Variants in ARPP19 observed in about 807,000 individuals in gnomAD.
ARPP19 encodes the protein cAMP-regulated phosphoprotein 19.
ARPP19 carries 8 observed loss-of-function variants against 12.0 expected under a neutral mutation model. That is an observed-to-expected ratio of 0.67 (90% CI 0.39 to 1.21). The LOEUF is 1.21. Among genes scored for constraint, ARPP19 ranks in the 50% most tolerant of loss-of-function variants. The probability of loss-of-function intolerance (pLI) is 0.01; values close to 1 mark genes in which losing one functional copy is unlikely to be tolerated. For synonymous variants in ARPP19, 47 were observed against 50.4 expected (o/e 0.93, Z 0.29); for missense variants, 102 against 136.3 (o/e 0.75, Z 1.25).
rs2078064947 is a variant in ARPP19 at position 52,564,614 on chromosome 15, A to G, written c.45+4234T>C. On this transcript the variant is annotated intron_variant, in intron 1 of 2. Transcript: ENST00000249822. ...ACCACTCATAAAGGCACCAACCTGT[A>G]TCTCTTACCTGACAAATAATTTCAT... Among the ~76,000 whole-genome samples the G allele has an allele frequency of 2.0e-5, 3 of 152,162 alleles. No individual in the cohort carries two copies. The South Asian group carries it at 6.2e-4, about 32-fold the overall frequency.
At chr15:52,561,933 ACTTTT>A (rs2078036619) in intron 1 of ARPP19, among the ~76,000 whole-genome samples, 1 of 135,976 alleles carries the variant, frequency 7.4e-6, no homozygotes, top group African/African-American at 2.9e-5. Context: ...CAGTGCACCT[ACTTTT>A]TTTTTTTTTT....
At chr15:52,556,859 T>G (rs1951208684) in intron 2 of ARPP19, 1 of 377,916 alleles carries the variant, frequency 2.6e-6, no homozygotes, top group Non-Finnish European at 4.7e-6. Flanking sequence ...GGTTCTGTTA[T>G]ATCTGCACTA....
rs2141714240 is a variant in ARPP19, at chr15:52,548,876, T to A, written c.*3058A>T. Reference sequence around the variant, plus strand: ...TGTTTCATCAAGTAAAAAGAGCAACTAATTCCAACTGTTGAAGTAGTAACA... The same window carrying A: ...TGTTTCATCAAGTAAAAAGAGCAACAAATTCCAACTGTTGAAGTAGTAACA... On this transcript the variant is annotated 3_prime_UTR_variant, in exon 3 of 3. Coordinates refer to ENST00000249822, the MANE Select transcript of ARPP19 (RefSeq NM_006628.6). The A allele has an allele frequency of 6.5e-6, 1 of 152,768 alleles. No individual in the cohort carries two copies. The highest frequency in any genetic ancestry group is 2.1e-4 in the South Asian group (1 of 4,824). 9.5% of individuals were successfully genotyped at this position (152,768 alleles called of 1,614,324 possible). A position where few individuals can be genotyped will look rare whatever the true frequency, so the allele number is the denominator to read the frequency against.
chr15:52,550,210 G>A lies in ARPP19; in HGVS notation c.*1724C>T, dbSNP rs928116034. ...CTACTTGTGAGAGGAGCTCCTACAA[G>A]AGCAGTAAACTTGTCCCAGTAAAGT... On this transcript the variant is annotated 3_prime_UTR_variant, in exon 3 of 3. Coordinates refer to ENST00000249822, the MANE Select transcript of ARPP19 (RefSeq NM_006628.6). The A allele has an allele frequency of 9.2e-5, 14 of 152,316 alleles. No individual in the cohort carries two copies. Among genetic ancestry groups the A allele is most frequent in the Admixed American group, 8.5e-4 (13 of 15,298 alleles). 9.4% of individuals were successfully genotyped at this position (152,316 alleles called of 1,614,324 possible). A position where few individuals can be genotyped will look rare whatever the true frequency, so the allele number is the denominator to read the frequency against.
chr15:52,553,956 TG>T (rs1268239953), intron 2 of ARPP19, among the ~76,000 whole-genome samples: 1 of 152,262 alleles, frequency 6.6e-6, no homozygotes, highest in Non-Finnish European at 1.5e-5. Context: ...CAAGGAACCC[TG>T]GAACAGGCCC....
At chr15:52,555,589 G>C (rs577836034) in intron 2 of ARPP19, among the ~76,000 whole-genome samples, 1 of 151,880 alleles carries the variant, frequency 6.6e-6, no homozygotes, top group Non-Finnish European at 1.5e-5. Flanking sequence ...CTATAAGGAG[G>C]ACCTTCCAAC....
At chr15:52,567,928 G>A (rs1433246996) in intron 1 of ARPP19, among the ~76,000 whole-genome samples, 1 of 152,124 alleles carries the variant, frequency 6.6e-6, no homozygotes, top group East Asian at 1.9e-4. Flanking sequence ...AAAAATTGTT[G>A]ATAAACAATT....
At chr15:52,552,416 A>C (rs888147249) in intron 2 of ARPP19, among the ~76,000 whole-genome samples, 8 of 151,730 alleles carry the variant, frequency 5.3e-5, no homozygotes, top group African/African-American at 4.8e-5. Context: ...CTAAAAAAAA[A>C]CAAAAAAAAC....
chr15:52,566,123 G>C (rs1388784422), intron 1 of ARPP19, among the ~76,000 whole-genome samples: 1 of 151,802 alleles, frequency 6.6e-6, no homozygotes, highest in Non-Finnish European at 1.5e-5. Flanking sequence ...CAAAGCGCTG[G>C]GATTACAGGT....
At chr15:52,553,374 T>A (rs2077953576) in intron 2 of ARPP19, among the ~76,000 whole-genome samples, 1 of 152,104 alleles carries the variant, frequency 6.6e-6, no homozygotes, top group Admixed American at 6.6e-5. Context: ...ACCACTAACA[T>A]GCAAATTGTG....
chr15:52,559,763 T>C (rs2078015052), intron 1 of ARPP19, among the ~76,000 whole-genome samples: 1 of 152,210 alleles, frequency 6.6e-6, no homozygotes, highest in Admixed American at 6.5e-5. Flanking sequence ...ACTGCAGATA[T>C]CTACTGCAGC....
intron 1 of ARPP19, 69 bp downstream of exon 1, chr15:52,568,779 T>C: frequency 8.3e-7 from 1 of 1,205,906 alleles, no homozygotes; most frequent in Non-Finnish European, 1.1e-6. Flanking sequence ...GCCCTCCGCC[T>C]GGCGGGAGCA....
chr15:52,547,457 A>G lies in ARPP19; in HGVS notation c.*4477T>C, dbSNP rs2077887846. 1 of 152,252 alleles carries G rather than the reference A, an allele frequency of 6.6e-6. No homozygotes were observed. Among genetic ancestry groups the G allele is most frequent in the Non-Finnish European group, 1.5e-5 (1 of 68,044 alleles). 9.4% of individuals were successfully genotyped at this position (152,252 alleles called of 1,614,324 possible). On this transcript the variant is annotated 3_prime_UTR_variant, in exon 3 of 3. Transcript: ENST00000249822. ...GTGCTAGTGATGCAGTAACAGATCC[A>G]AGGGCATAATATTAAATATGTTTTT... is the stretch of plus-strand genomic sequence containing the variant.
At chr15:52,552,459 A>C (rs1234636201) in intron 2 of ARPP19, among the ~76,000 whole-genome samples, 3 of 151,606 alleles carry the variant, frequency 2.0e-5, no homozygotes, top group Non-Finnish European at 4.4e-5. Context: ...GTGGTGGTGC[A>C]CATCTGTAAC....
intron 1 of ARPP19, among the ~76,000 whole-genome samples, chr15:52,562,962 C>G (rs1353166355): frequency 6.6e-6 from 1 of 151,262 alleles, no homozygotes; most frequent in Non-Finnish European, 1.5e-5. Flanking sequence ...CCACCCCTCC[C>G]CACGCTGGGT....
chr15:52,566,676 T>C (rs1483828519), intron 1 of ARPP19, among the ~76,000 whole-genome samples: 1 of 152,052 alleles, frequency 6.6e-6, no homozygotes, highest in Non-Finnish European at 1.5e-5. Flanking sequence ...CCTCAAGCAA[T>C]CCTCCTGCCT....
chr15:52,555,045 C>T (rs561027275), intron 2 of ARPP19, among the ~76,000 whole-genome samples: 1 of 152,082 alleles, frequency 6.6e-6, no homozygotes, highest in African/African-American at 2.4e-5. Context: ...ACCTGTGATC[C>T]AGAGTTTTAA....
Position 52,563,769 on chromosome 15 carries a change from T to C in ARPP19, c.45+5079A>G, listed in dbSNP as rs77895277. Among the ~76,000 whole-genome samples the C allele has an allele frequency of 3.4e-4, 52 of 152,344 alleles. No homozygotes were observed. The East Asian group carries it at 8.7e-3, about 25-fold the overall frequency. The stretch of plus-strand genomic sequence containing the variant: ...ATCTGCTCAGCAACATGTTGACTGA[T>C]GCACTGATTGACGAATAACTAGAAA... On this transcript the variant is annotated intron_variant, in intron 1 of 2. Transcript: ENST00000249822.
At position 52,550,665 on chromosome 15, in the gene ARPP19, G is replaced by A. The variant is rs181304212; in HGVS notation, c.*1269C>T. 5.9e-5 allele frequency: 9 copies of A among 151,990 alleles called. No homozygotes were observed. The highest frequency in any genetic ancestry group is 3.4e-3 in the Middle Eastern group (1 of 294). 9.4% of individuals were successfully genotyped at this position (151,990 alleles called of 1,614,324 possible). A position where few individuals can be genotyped will look rare whatever the true frequency, so the allele number is the denominator to read the frequency against. ...ACAACTGAGAAATTAGAAGGAAAACGCCATTATTGTGTTATATAAAAGAGT... is the reference window on the plus strand; with the variant it reads ...ACAACTGAGAAATTAGAAGGAAAACACCATTATTGTGTTATATAAAAGAGT... On this transcript the variant is annotated 3_prime_UTR_variant, in exon 3 of 3. Transcript: ENST00000249822.
Sources: allele counts gnomAD v4.1 joint callset (sites outside exome capture counted in the v4.1 genomes callset), GRCh38; gene constraint gnomAD v4.1.1; transcripts MANE v1.5; gene names NCBI Gene and HGNC (gene_info 2026-07-23, HGNC 2026-07-21).